AIG1: variants seen among roughly 807,000 people sequenced by gnomAD.
AIG1 encodes the protein androgen induced 1, also known as androgen-induced gene 1 protein.
Under a neutral mutation model 31.4 loss-of-function variants are expected in AIG1, and 23 were observed. The observed-to-expected ratio is 0.73, with a 90% CI of 0.53 to 1.04. AIG1 has a LOEUF of 1.04. Ranked by LOEUF, AIG1 falls within the 50% of genes least tolerant of loss-of-function variation. The pLI is 0.00. For synonymous variants in AIG1, 100 were observed against 110.5 expected (o/e 0.90, Z 0.60); for missense variants, 274 against 295.0 (o/e 0.93, Z 0.52).
chr6:143,072,828 A>G (rs576107119), intron 1 of AIG1, among the ~76,000 whole-genome samples: 2 of 152,220 alleles, frequency 1.3e-5, no homozygotes, highest in Non-Finnish European at 2.9e-5. Flanking sequence ...TATTGAGGCA[A>G]ATTAGCATAT....
In AIG1 at chr6:143,143,550, TATATAC is replaced by T. The variant is rs201138306; in HGVS notation, c.297+6562_297+6567del. 2.1e-3 allele frequency among the ~76,000 whole-genome samples: 240 copies of T among 113,378 alleles called. 7 individuals are homozygous for T. The East Asian group carries it at 0.027, about 13-fold the overall frequency. The allele number at this position is 113,378 out of a possible 152,430, so 74.4% of individuals were successfully genotyped here. ...AAAAATATATATATATATATATATA[TATATAC>T]ACACACACTTAATATCTTCTGATCC... is the stretch of plus-strand genomic sequence containing the variant. On this transcript the variant is annotated intron_variant, in intron 2 of 5. Transcript: ENST00000357847.
intron 4 of AIG1, among the ~76,000 whole-genome samples, chr6:143,307,124 A>C (rs975594693): frequency 6.6e-6 from 1 of 152,118 alleles, no homozygotes; most frequent in Non-Finnish European, 1.5e-5. Flanking sequence ...CAAAGTTTTC[A>C]ACTTCTTTGC....
At chr6:143,153,675 A>G (rs1785459718) in intron 2 of AIG1, among the ~76,000 whole-genome samples, 1 of 152,074 alleles carries the variant, frequency 6.6e-6, no homozygotes, top group Non-Finnish European at 1.5e-5. Flanking sequence ...TTATTACTAT[A>G]AAAGACAAGA....
intron 1 of AIG1, among the ~76,000 whole-genome samples, chr6:143,119,889 A>G (rs900830978): frequency 6.6e-6 from 1 of 152,152 alleles, no homozygotes; most frequent in African/African-American, 2.4e-5. Flanking sequence ...TTACCAAAAC[A>G]ATTTGTCCTG....
intron 1 of AIG1, among the ~76,000 whole-genome samples, chr6:143,121,203 A>G (rs1044765520): frequency 1.3e-5 from 2 of 152,048 alleles, no homozygotes; most frequent in African/African-American, 4.8e-5. Flanking sequence ...ACACCTCTGT[A>G]TTTCTGTGTG....
chr6:143,227,804 G>A (rs1312907287), intron 3 of AIG1, among the ~76,000 whole-genome samples: 1 of 152,154 alleles, frequency 6.6e-6, no homozygotes, highest in East Asian at 1.9e-4. Context: ...CCCAGGACAG[G>A]CCAGGAGGAG....
At chr6:143,266,901 A>G (rs1796196843) in intron 3 of AIG1, among the ~76,000 whole-genome samples, 1 of 152,226 alleles carries the variant, frequency 6.6e-6, no homozygotes, top group Non-Finnish European at 1.5e-5. Flanking sequence ...TGATCACACC[A>G]TGGCACTCCA....
intron 2 of AIG1, among the ~76,000 whole-genome samples, chr6:143,158,915 T>TGG (rs1191605193): frequency 3.9e-5 from 6 of 152,234 alleles, no homozygotes; most frequent in Non-Finnish European, 8.8e-5. Flanking sequence ...TGCCAGGCAG[T>TGG]GGGGAACCAG....
chr6:143,072,986 A>G (rs1187644686), intron 1 of AIG1, among the ~76,000 whole-genome samples: 2 of 152,160 alleles, frequency 1.3e-5, no homozygotes, highest in Non-Finnish European at 2.9e-5. Context: ...GTCATCCTAC[A>G]TATCTGCTAC....
chr6:143,341,222 A>C (rs748601350), downstream of AIG1, among the ~76,000 whole-genome samples: 7 of 152,166 alleles, frequency 4.6e-5, no homozygotes, highest in Non-Finnish European at 1.0e-4. Flanking sequence ...GTCAAGCAGA[A>C]ATCCACCAAA....
At chr6:143,172,881 C>A (rs1409696112) in intron 3 of AIG1, among the ~76,000 whole-genome samples, 1 of 151,986 alleles carries the variant, frequency 6.6e-6, no homozygotes, top group Admixed American at 6.6e-5. Flanking sequence ...CTTGAATGAT[C>A]GTTTGTGTTT....
At chr6:143,069,632 G>T (rs1341917202) in intron 1 of AIG1, among the ~76,000 whole-genome samples, 1 of 152,092 alleles carries the variant, frequency 6.6e-6, no homozygotes, top group Non-Finnish European at 1.5e-5. Context: ...TCTTTGTGAA[G>T]TTTGCCCATT....
Position 143,087,281 on chromosome 6 carries a change from G to A in AIG1, c.141+26215G>A, listed in dbSNP as rs189167554. 2.5e-3 allele frequency among the ~76,000 whole-genome samples: 374 copies of A among 152,224 alleles called. 3 individuals are homozygous for A. Among genetic ancestry groups the A allele is most frequent in the African/African-American group, 8.5e-3 (355 of 41,526 alleles). ...CTCCCAAGGTGGTGGCAAGCCTTTT[G>A]TTCTCTCACCTGGGGTTCTTGGCCT... On this transcript the variant is annotated intron_variant, in intron 1 of 5. Coordinates refer to ENST00000357847, the MANE Select transcript of AIG1 (RefSeq NM_016108.4).
rs543349181 is a variant in AIG1 at position 143,096,051 on chromosome 6, C to T, written c.141+34985C>T. On this transcript the variant is annotated intron_variant, in intron 1 of 5. Coordinates refer to ENST00000357847, the MANE Select transcript of AIG1 (RefSeq NM_016108.4). Reference sequence around the variant, plus strand: ...CCTCCCGAGTAGCTGGGACTACAGGCGTGTGCCACCATGCCCGGGTAATTT... The same window carrying T: ...CCTCCCGAGTAGCTGGGACTACAGGTGTGTGCCACCATGCCCGGGTAATTT... 3.2e-4 allele frequency among the ~76,000 whole-genome samples: 48 copies of T among 151,894 alleles called. No individual in the cohort carries two copies. The East Asian group carries it at 7.9e-3, about 25-fold the overall frequency.
chr6:143,334,098 A>G lies in AIG1; in HGVS notation c.679+653A>G. On this transcript the variant is annotated intron_variant, in intron 5 of 5. Transcript: ENST00000357847. The surrounding 1 kb of genome is among the most constrained non-coding windows in gnomAD (Gnocchi z 5.1). ...GGCAGAGCCTCCATCTTGGCAAGGC[A>G]CGTAATCTTATCCAAGCTGTGCAAA... The G allele has an allele frequency of 6.4e-7, 1 of 1,550,506 alleles. No homozygotes were observed. The highest frequency in any genetic ancestry group is 8.7e-7 in the Non-Finnish European group (1 of 1,146,948).
chr6:143,091,298 C>T (rs1291505975), intron 1 of AIG1, among the ~76,000 whole-genome samples: 3 of 152,172 alleles, frequency 2.0e-5, no homozygotes, highest in Non-Finnish European at 4.4e-5. Context: ...TTGACTTCCT[C>T]CCATAAATTA....
chr6:143,121,573 A>G (rs1335710585), intron 1 of AIG1, among the ~76,000 whole-genome samples: 4 of 152,172 alleles, frequency 2.6e-5, no homozygotes, highest in Non-Finnish European at 5.9e-5. Flanking sequence ...TATTTGGAGA[A>G]GCTATTAAAA....
At chr6:143,094,706 T>A (rs1477689338) in intron 1 of AIG1, among the ~76,000 whole-genome samples, 2 of 151,930 alleles carry the variant, frequency 1.3e-5, no homozygotes, top group African/African-American at 4.8e-5. Context: ...AAAATATTAA[T>A]ACTAGCATTA....
chr6:143,293,427 A>G lies in AIG1; in HGVS notation c.515+9202A>G, dbSNP rs1798196787. On this transcript the variant is annotated intron_variant, in intron 4 of 5. Transcript: ENST00000357847. The surrounding 1 kb of genome is among the most constrained non-coding windows in gnomAD (Gnocchi z 4.8). ...GCTTTCCCATTATTCCAATCTGCGT[A>G]TTTTTACAAGCACTGTGCTGAGAAT... is the stretch of plus-strand genomic sequence containing the variant. Among the ~76,000 whole-genome samples the G allele has an allele frequency of 6.6e-6, 1 of 152,064 alleles. No homozygotes were observed. The highest frequency in any genetic ancestry group is 2.1e-4 in the South Asian group (1 of 4,818).
Sources: gnomAD v4.1 joint callset for allele counts (sites outside exome capture counted in the v4.1 genomes callset) on GRCh38, gnomAD v4.1.1 for gene constraint, Gnocchi (gnomAD v3.1) non-coding constraint, MANE v1.5 for transcripts, NCBI Gene and HGNC (gene_info 2026-07-23, HGNC 2026-07-21) for gene names.